GPR37: variants seen among roughly 807,000 people sequenced by gnomAD.
GPR37 encodes the protein prosaposin receptor GPR37.
Under a neutral mutation model 43.6 loss-of-function variants are expected in GPR37, and 20 were observed. The observed-to-expected ratio is 0.46, with a 90% CI of 0.32 to 0.67. The LOEUF (loss-of-function observed/expected upper bound fraction) is 0.67. Ranked by LOEUF, GPR37 falls within the 30% of genes least tolerant of loss-of-function variation. The probability of loss-of-function intolerance (pLI) is 0.03; values close to 1 mark genes in which losing one functional copy is unlikely to be tolerated. For synonymous variants in GPR37, 315 were observed against 322.6 expected, an observed-to-expected ratio of 0.98 and a Z score of 0.25; for missense variants, 724 against 797.2, an observed-to-expected ratio of 0.91 and a Z score of 1.11.
intron 1 of GPR37, among the ~76,000 whole-genome samples, chr7:124,753,335 A>C (rs1313509432): frequency 6.6e-6 from 1 of 152,074 alleles, no homozygotes; most frequent in Admixed American, 6.6e-5. Flanking sequence ...TTTATTCCTA[A>C]TTACAGTTAA....
At position 124,761,154 on chromosome 7, in the gene GPR37, C is replaced by CAAA. The variant is rs60967099; in HGVS notation, c.1023+2797_1023+2799dup. Among the ~76,000 whole-genome samples the CAAA allele has an allele frequency of 2.6e-4, 20 of 77,434 alleles. 1 individual carries two copies. Among genetic ancestry groups the CAAA allele is most frequent in the African/African-American group, 8.5e-4 (16 of 18,726 alleles). The allele number at this position is 77,434 out of a possible 152,430, so 50.8% of individuals were successfully genotyped here. A position where few individuals can be genotyped will look rare whatever the true frequency, so the allele number is the denominator to read the frequency against. On this transcript the variant is annotated intron_variant, in intron 1 of 1. Coordinates refer to ENST00000303921, the MANE Select transcript of GPR37 (RefSeq NM_005302.5). ...CTGGTGACAGAGCAAGACTCCGTCT[C>CAAA]AAAAAAAAAAAAAAAAAAAAAGCTA...
chr7:124,756,995 G>C (rs999948785), intron 1 of GPR37, among the ~76,000 whole-genome samples: 2 of 152,070 alleles, frequency 1.3e-5, no homozygotes, highest in African/African-American at 4.8e-5. Context: ...TCTGTGGAAG[G>C]ATACTTTGCT....
At chr7:124,752,244 T>TACTA (rs1793742354) in intron 1 of GPR37, among the ~76,000 whole-genome samples, 1 of 152,162 alleles carries the variant, frequency 6.6e-6, no homozygotes. Context: ...AACACTGTAT[T>TACTA]ACTAGCAAAG....
Position 124,746,908 on chromosome 7 carries a change from C to G in GPR37, c.1459G>C (p.Glu487Gln). The G allele has an allele frequency of 6.2e-7, 1 of 1,614,112 alleles. No homozygotes were observed. Among genetic ancestry groups the G allele is most frequent in the Non-Finnish European group, 8.5e-7 (1 of 1,179,966 alleles). The stretch of plus-strand genomic sequence containing the variant: ...ACTACTGTACAGTTCATCTGACTCT[C>G]TAGTTGAATCTGCCGTTTATTCCCT... ...TRGNKRQIQL[E>Q]SQMNCTVVAL... The change falls in exon 2 of 2, where the codon GAG becomes CAG. Residue 487 changes from glutamate to glutamine, a missense_variant. Coordinates refer to ENST00000303921, the MANE Select transcript of GPR37 (RefSeq NM_005302.5).
intron 1 of GPR37, among the ~76,000 whole-genome samples, chr7:124,749,593 G>T (rs913006680): frequency 1.2e-4 from 19 of 152,102 alleles, no homozygotes; most frequent in Non-Finnish European, 1.8e-4. Context: ...GATTCTGACA[G>T]TTCCAATGTC....
Position 124,746,550 on chromosome 7 carries a change from A to G in GPR37, c.1817T>C (p.Phe606Ser), listed in dbSNP as rs1430589182. 3.1e-6 allele frequency: 5 copies of G among 1,609,290 alleles called. No individual in the cohort carries two copies. The highest frequency in any genetic ancestry group is 4.2e-6 in the Non-Finnish European group (5 of 1,177,392). The change falls in exon 2 of 2, where the codon TTT becomes TCT. Residue 606 changes from phenylalanine (F) to serine (S), a missense_variant. By Grantham distance (155) the Phe-to-Ser change is radical. Coordinates refer to ENST00000303921, the MANE Select transcript of GPR37 (RefSeq NM_005302.5). ...TCAGCAATGAGTTCCGACAGAAGCA[A>G]AAGTGGACATTTCACGGCGTATGGT... is the stretch of plus-strand genomic sequence containing the variant. ...FSTIRREMST[F>S]ASVGTHC
chr7:124,763,857 C>T (rs368624087), intron 1 of GPR37, 97 bp downstream of exon 1: 17 of 1,024,786 alleles, frequency 1.7e-5, no homozygotes, highest in Non-Finnish European at 2.0e-5. Context: ...AAAGGAAAGG[C>T]GTTCAGCTAG....
In GPR37 at chr7:124,745,670, AT is replaced by A. The variant is rs1283789248; in HGVS notation, c.*854del. 6.6e-6 allele frequency among the ~76,000 whole-genome samples: 1 copy of A among 152,196 alleles called. No homozygotes were observed. Among genetic ancestry groups the A allele is most frequent in the Non-Finnish European group, 1.5e-5 (1 of 68,026 alleles). On this transcript the variant is annotated 3_prime_UTR_variant, in exon 2 of 2. Coordinates refer to ENST00000303921, the MANE Select transcript of GPR37 (RefSeq NM_005302.5). Reference sequence around the variant, plus strand: ...TCAGAGGAAATCAGATGACAACTGCATTTTAAAATTCTTGATTCTGCCCATA... The same window carrying A: ...TCAGAGGAAATCAGATGACAACTGCATTTAAAATTCTTGATTCTGCCCATA...
At chr7:124,759,528 T>A (rs1464864271) in intron 1 of GPR37, among the ~76,000 whole-genome samples, 2 of 152,226 alleles carry the variant, frequency 1.3e-5, no homozygotes, top group Non-Finnish European at 2.9e-5. Context: ...GTTTTGAGTA[T>A]AGTTTTTTTC....
At chr7:124,758,800 T>C (rs1483959646) in intron 1 of GPR37, among the ~76,000 whole-genome samples, 1 of 152,054 alleles carries the variant, frequency 6.6e-6, no homozygotes, top group East Asian at 1.9e-4. Context: ...TGTGCAGGAG[T>C]TTTATCCCAG....
chr7:124,764,933 A>C lies in GPR37; in HGVS notation c.44T>G (p.Leu15Arg). The C allele has an allele frequency of 6.5e-7, 1 of 1,539,040 alleles. No homozygotes were observed. The highest frequency in any genetic ancestry group is 8.7e-7 in the Non-Finnish European group (1 of 1,145,600). The change falls in exon 1 of 2, where the codon CTG becomes CGG. Residue 15 changes from leucine to arginine, a missense_variant. Physicochemically the swap from Leu to Arg is moderately radical, Grantham distance 102. Transcript: ENST00000303921. This position sits in a 1 kb window ranked among gnomAD's most constrained non-coding sequence, Gnocchi z 5.4. The stretch of plus-strand genomic sequence containing the variant: ...AGACACCTTGAGCAGTAGCAGAAGC[A>C]GTAGCCGCGACATGCGGGCGAGAAG... ...GALLARMSRLLLLLLLKVSAS... is the reference protein window; with the variant it reads ...GALLARMSRLRLLLLLKVSAS...
At chr7:124,763,922 C>T in intron 1 of GPR37, 32 bp downstream of exon 1, 3 of 1,598,720 alleles carry the variant, frequency 1.9e-6, no homozygotes, top group Non-Finnish European at 2.6e-6. Flanking sequence ...ACAGATAAAG[C>T]CACTAGCTTG....
At chr7:124,752,634 G>C (rs1793746206) in intron 1 of GPR37, among the ~76,000 whole-genome samples, 1 of 152,046 alleles carries the variant, frequency 6.6e-6, no homozygotes, top group African/African-American at 2.4e-5. Context: ...TATCTCCTAG[G>C]GAAATTGCTA....
rs371087907 is a variant in GPR37, at chr7:124,757,595, G to A, written c.1023+6359C>T. On this transcript the variant is annotated intron_variant, in intron 1 of 1. Coordinates refer to ENST00000303921, the MANE Select transcript of GPR37 (RefSeq NM_005302.5). ...GAATGTAACTGAAAAGAATTAGAGG[G>A]AGCACAGTTTTCCCTTTAATTTCTC... Among the ~76,000 whole-genome samples the A allele has an allele frequency of 3.4e-4, 52 of 152,254 alleles. 1 individual carries two copies. Among genetic ancestry groups the A allele is most frequent in the African/African-American group, 1.1e-3 (47 of 41,560 alleles).
At chr7:124,747,378 G>T in intron 1 of GPR37, 35 bp from the exon 2 acceptor site, 1 of 1,400,808 alleles carries the variant, frequency 7.1e-7, no homozygotes, top group Non-Finnish European at 9.9e-7. Context: ...TATTCCCGGT[G>T]TCCCCCGAAA....
chr7:124,755,236 G>A (rs1793779190), intron 1 of GPR37, among the ~76,000 whole-genome samples: 1 of 152,060 alleles, frequency 6.6e-6, no homozygotes, highest in Admixed American at 6.6e-5. Flanking sequence ...TATTTAGTCT[G>A]ATATGCCCAC....
intron 1 of GPR37, among the ~76,000 whole-genome samples, chr7:124,753,272 T>A (rs530497054): frequency 6.6e-6 from 1 of 152,160 alleles, no homozygotes; most frequent in African/African-American, 2.4e-5. Context: ...ATATTCTATA[T>A]TTTGAATGTT....
At chr7:124,747,444 A>G (rs1793686876) in intron 1 of GPR37, 101 bp from the exon 2 acceptor site, 2 of 703,764 alleles carry the variant, frequency 2.8e-6, no homozygotes, top group Admixed American at 6.0e-5. Context: ...AAAAATATGG[A>G]TAAATAAAAA....
intron 1 of GPR37, among the ~76,000 whole-genome samples, chr7:124,750,212 CA>C (rs1430613298): frequency 6.6e-5 from 10 of 152,076 alleles, no homozygotes; most frequent in Admixed American, 2.6e-4. Flanking sequence ...ATTAGTTTTT[CA>C]AATGTTTTGA....
Sources: gnomAD v4.1 joint callset for allele counts (sites outside exome capture counted in the v4.1 genomes callset) on GRCh38, gnomAD v4.1.1 for gene constraint, Gnocchi (gnomAD v3.1) non-coding constraint, MANE v1.5 for transcripts, NCBI Gene and HGNC (gene_info 2026-07-23, HGNC 2026-07-21) for gene names.